KLF8: variants seen among roughly 807,000 people sequenced by gnomAD.
KLF8 encodes Krueppel-like factor 8.
A neutral mutation model predicts 18.2 loss-of-function variants in KLF8; 10 were observed. The observed-to-expected ratio is 0.55, with a 90% CI of 0.34 to 0.93. KLF8 has a LOEUF of 0.93. KLF8 is among the 40% of genes least tolerant of loss of function. The pLI is 0.02. For missense variants in KLF8, 264 were observed against 277.9 expected (o/e 0.95, Z 0.36); for synonymous variants, 109 against 97.3 (o/e 1.12, Z -0.71).
chrX:55,981,852 C>T, the KLF8 span, among the ~76,000 whole-genome samples: 1 of 111,842 alleles, frequency 8.9e-6, no homozygotes, highest in Admixed American at 9.5e-5. Flanking sequence ...ATACTGTACC[C>T]TGAAGCAGAC....
At chrX:56,136,496 A>G in the KLF8 span, among the ~76,000 whole-genome samples, 1 of 111,752 alleles carries the variant, frequency 8.9e-6, no homozygotes, top group Non-Finnish European at 1.9e-5. Context: ...AAAAACAAGC[A>G]ATGGGGAAAG....
At chrX:55,925,593 T>A in the KLF8 span, among the ~76,000 whole-genome samples, 35 of 111,127 alleles carry the variant, frequency 3.1e-4, no homozygotes, top group African/African-American at 1.1e-3. Flanking sequence ...CATAAAGAAA[T>A]AGGTATACAA....
At chrX:56,032,881 TA>T in the KLF8 span, among the ~76,000 whole-genome samples, 1 of 111,987 alleles carries the variant, frequency 8.9e-6, no homozygotes, top group East Asian at 2.8e-4. Context: ...TTATGTTAAG[TA>T]AATGTTCAAC....
At chrX:56,123,211 A>T in the KLF8 span, among the ~76,000 whole-genome samples, 1 of 109,342 alleles carries the variant, frequency 9.1e-6, no homozygotes, top group African/African-American at 3.4e-5. Context: ...ACAGAGAGCC[A>T]GTGCATTCCC....
At chrX:56,077,769 C>T in the KLF8 span, among the ~76,000 whole-genome samples, 19 of 111,847 alleles carry the variant, frequency 1.7e-4, no homozygotes, top group Non-Finnish European at 2.4e-4. Context: ...TCTTCCTACC[C>T]ATGAACATGG....
the KLF8 span, among the ~76,000 whole-genome samples, chrX:55,992,786 T>C: frequency 8.9e-6 from 1 of 112,006 alleles, no homozygotes; most frequent in Non-Finnish European, 1.9e-5. Context: ...AGCAGTGTTT[T>C]GTAGTTCTCA....
At chrX:56,140,847 C>T in the KLF8 span, among the ~76,000 whole-genome samples, 1 of 108,999 alleles carries the variant, frequency 9.2e-6, no homozygotes, top group African/African-American at 3.3e-5. Flanking sequence ...TCCATACCCA[C>T]CAACTGTGCA....
At chrX:56,236,960 TGG>T (rs1491363635) in intron 1 of KLF8, among the ~76,000 whole-genome samples, 93 of 83,177 alleles carry the variant, frequency 1.1e-3, no homozygotes, top group African/African-American at 5.4e-3. Flanking sequence ...GATAGATAGA[TGG>T]ATATATATAT....
the KLF8 span, among the ~76,000 whole-genome samples, chrX:56,080,882 G>A: frequency 1.5e-4 from 16 of 109,807 alleles, no homozygotes; most frequent in South Asian, 3.9e-4. Context: ...TTCCCTTCTC[G>A]CTTCATTTCA....
At chrX:56,235,797 A>T (rs2066467551) in intron 1 of KLF8, among the ~76,000 whole-genome samples, 1 of 112,083 alleles carries the variant, frequency 8.9e-6, no homozygotes, top group Non-Finnish European at 1.9e-5. Flanking sequence ...CTAAAATGAC[A>T]TGATAATTTG....
At chrX:56,250,490 T>C (rs1055862046) in intron 2 of KLF8, among the ~76,000 whole-genome samples, 186 bp downstream of exon 2, 2 of 111,555 alleles carry the variant, frequency 1.8e-5, no homozygotes, top group Non-Finnish European at 3.8e-5. Flanking sequence ...GGGGAGTAGA[T>C]CTGGCCTAAA....
At chrX:56,008,926 C>A in the KLF8 span, among the ~76,000 whole-genome samples, 1 of 112,064 alleles carries the variant, frequency 8.9e-6, no homozygotes, top group Non-Finnish European at 1.9e-5. Context: ...GTTTTGCAGA[C>A]AGAAGTCTGA....
chrX:56,079,824 C>T, the KLF8 span, among the ~76,000 whole-genome samples: 15 of 110,761 alleles, frequency 1.4e-4, no homozygotes, highest in East Asian at 2.8e-4. Context: ...TTATGAATCT[C>T]GGTGCTCCTG....
At chrX:56,204,123 AAT>A in the KLF8 span, among the ~76,000 whole-genome samples, 1 of 111,309 alleles carries the variant, frequency 9.0e-6, no homozygotes, top group African/African-American at 3.3e-5. Context: ...CAGTTTTTAT[AAT>A]AGAGTTTTCC....
the KLF8 span, among the ~76,000 whole-genome samples, chrX:55,991,200 C>T: frequency 1.9e-4 from 21 of 112,188 alleles, no homozygotes; most frequent in Admixed American, 1.7e-3. Context: ...CAAGCCTCGG[C>T]AATGGCAGGC....
chrX:56,048,093 T>G, the KLF8 span, among the ~76,000 whole-genome samples: 1 of 112,046 alleles, frequency 8.9e-6, no homozygotes, highest in East Asian at 2.8e-4. Context: ...TCATATCCTT[T>G]GCCCGTGTTT....
the KLF8 span, among the ~76,000 whole-genome samples, chrX:55,974,223 C>T: frequency 9.0e-6 from 1 of 111,152 alleles, no homozygotes; most frequent in Non-Finnish European, 1.9e-5. Context: ...CAAAAAACTA[C>T]CTGTTGGGTA....
At chrX:56,272,667 T>C (rs180895439) in intron 5 of KLF8, among the ~76,000 whole-genome samples, 42 of 111,324 alleles carry the variant, frequency 3.8e-4, no homozygotes, top group African/African-American at 1.2e-3. Context: ...ATAGGCTTAG[T>C]TGCTTTAGGA....
the KLF8 span, among the ~76,000 whole-genome samples, chrX:56,058,907 G>C: frequency 1.8e-5 from 2 of 111,627 alleles, no homozygotes; most frequent in Non-Finnish European, 3.8e-5. Flanking sequence ...TCCGGTTCTA[G>C]GTTCTTGAGG....
Sources: gnomAD v4.1 joint callset for allele counts (sites outside exome capture counted in the v4.1 genomes callset) on GRCh38, gnomAD v4.1.1 for gene constraint, MANE v1.5 for transcripts, NCBI Gene and HGNC (gene_info 2026-07-23, HGNC 2026-07-21) for gene names.